Variants in GDA observed in about 807,000 individuals in gnomAD.
GDA encodes cytoplasmic PSD-95 interactor.
GDA carries 18 observed loss-of-function variants against 59.6 expected under a neutral mutation model. That is an observed-to-expected ratio of 0.30 (90% CI 0.21 to 0.45). GDA has a LOEUF of 0.45. GDA is among the 20% of genes least tolerant of loss of function. The pLI is 1.00. For synonymous variants in GDA, 201 were observed against 201.1 expected, an observed-to-expected ratio of 1.00 and a Z score of 0.00; for missense variants, 427 against 552.3, an observed-to-expected ratio of 0.77 and a Z score of 2.27.
At chr9:72,187,909 A>G (rs1350846960) in intron 1 of GDA, among the ~76,000 whole-genome samples, 1 of 152,264 alleles carries the variant, frequency 6.6e-6, no homozygotes, top group African/African-American at 2.4e-5. Flanking sequence ...ATAAAGTAGC[A>G]AAGAACTTGG....
chr9:72,247,208 T>TAAAC (rs1840236814), intron 12 of GDA, among the ~76,000 whole-genome samples, 198 bp from the exon 13 acceptor site: 1 of 152,352 alleles, frequency 6.6e-6, no homozygotes, highest in Non-Finnish European at 1.5e-5. Flanking sequence ...AAACTTCTGT[T>TAAAC]AATTGCCAGT....
chr9:72,163,744 G>T (rs1828946258), intron 1 of GDA, among the ~76,000 whole-genome samples: 1 of 152,104 alleles, frequency 6.6e-6, no homozygotes, highest in Admixed American at 6.5e-5. Flanking sequence ...CACCTGTGTG[G>T]GCCTCCCAAA....
chr9:72,186,484 C>G (rs925769748), intron 1 of GDA, among the ~76,000 whole-genome samples: 3 of 152,156 alleles, frequency 2.0e-5, no homozygotes, highest in African/African-American at 7.2e-5. Context: ...AACCATCACA[C>G]TCCACATTTT....
At chr9:72,205,268 C>T (rs527431203) in intron 3 of GDA, among the ~76,000 whole-genome samples, 9 of 152,046 alleles carry the variant, frequency 5.9e-5, no homozygotes, top group Non-Finnish European at 1.0e-4. Flanking sequence ...TAACTAGCCA[C>T]GTAGCCTACT....
At chr9:72,156,617 G>T (rs1827922623) in intron 1 of GDA, among the ~76,000 whole-genome samples, 1 of 152,170 alleles carries the variant, frequency 6.6e-6, no homozygotes, top group Admixed American at 6.5e-5. Context: ...GGCAAACACT[G>T]TTGGTTACCC....
At chr9:72,222,172 A>C (rs1274903117) in intron 6 of GDA, among the ~76,000 whole-genome samples, 3 of 152,206 alleles carry the variant, frequency 2.0e-5, no homozygotes, top group African/African-American at 7.2e-5. Flanking sequence ...TTACACTCTT[A>C]CCAACAGTCT....
At chr9:72,257,435 A>C (rs190991042), downstream of GDA, 3 of 152,170 alleles carry the variant, frequency 2.0e-5, no homozygotes, top group Non-Finnish European at 2.9e-5. Flanking sequence ...ATAGGATATA[A>C]ACTTTGAAAT....
chr9:72,121,742 C>T (rs1443030974), intron 1 of GDA, among the ~76,000 whole-genome samples: 1 of 152,222 alleles, frequency 6.6e-6, no homozygotes, highest in Non-Finnish European at 1.5e-5. Flanking sequence ...CTTGCTATCT[C>T]CACTGTACTT....
intron 1 of GDA, among the ~76,000 whole-genome samples, chr9:72,121,518 AC>A (rs1489386120): frequency 6.6e-6 from 1 of 152,070 alleles, no homozygotes; most frequent in Non-Finnish European, 1.5e-5. Context: ...AATCACTTGA[AC>A]CCAGGAGGCG....
rs73647197 is a variant in GDA at position 72,135,557 on chromosome 9, A to G, written c.-100+20724A>G. Among the ~76,000 whole-genome samples the G allele has an allele frequency of 6.9e-3, 1,057 of 152,236 alleles. 11 individuals are homozygous for G. The highest frequency in any genetic ancestry group is 0.024 in the African/African-American group (985 of 41,556). ...CTATCTTCACCTAACGGCATCTATT[A>G]CGAGGAAGGTGTGCTGCTTACTGGA... On this transcript the variant is annotated intron_variant, in intron 1 of 13. Transcript: ENST00000545168.
At chr9:72,160,310 A>T (rs1486078751) in intron 1 of GDA, among the ~76,000 whole-genome samples, 1 of 152,022 alleles carries the variant, frequency 6.6e-6, no homozygotes, top group South Asian at 2.1e-4. Flanking sequence ...CTCTGTCTCA[A>T]ACAAAATAAA....
chr9:72,222,661 T>C lies in GDA; in HGVS notation c.607-459T>C, dbSNP rs570747503. ...CCCATGCCTATGTCCTGAATGGTAT[T>C]GCCTAGGTTGTCTTCCAAGGTTGTT... On this transcript the variant is annotated intron_variant, in intron 6 of 13. Coordinates refer to ENST00000358399, the MANE Select transcript of GDA (RefSeq NM_004293.5). 2.6e-4 allele frequency among the ~76,000 whole-genome samples: 39 copies of C among 152,298 alleles called. No individual in the cohort carries two copies. The East Asian group carries it at 7.1e-3, about 28-fold the overall frequency.
chr9:72,213,810 A>G (rs950687438), intron 4 of GDA, 76 bp from the exon 5 acceptor site: 4 of 820,638 alleles, frequency 4.9e-6, no homozygotes, highest in African/African-American at 2.0e-5. Context: ...CTCAAAAAAA[A>G]AAAAAAAAAG....
chr9:72,160,732 A>T (rs1329020004), intron 1 of GDA, among the ~76,000 whole-genome samples: 2 of 152,226 alleles, frequency 1.3e-5, no homozygotes, highest in Admixed American at 1.3e-4. Context: ...GTTAAAAAAA[A>T]TCTTTGTATG....
At chr9:72,253,600 G>C (rs1321604716), downstream of GDA, 3 of 152,276 alleles carry the variant, frequency 2.0e-5, no homozygotes, top group East Asian at 5.8e-4. Flanking sequence ...ACTCATGCGA[G>C]AGGTAGAAAC....
At chr9:72,130,024 G>C (rs1347390362) in intron 1 of GDA, among the ~76,000 whole-genome samples, 2 of 152,178 alleles carry the variant, frequency 1.3e-5, no homozygotes, top group Non-Finnish European at 2.9e-5. Context: ...ATGGGCATTG[G>C]AAATATTTCC....
intron 1 of GDA, among the ~76,000 whole-genome samples, chr9:72,161,834 T>C (rs1194197607): frequency 2.0e-5 from 3 of 152,244 alleles, no homozygotes; most frequent in Non-Finnish European, 2.9e-5. Flanking sequence ...TAGCATTCAA[T>C]GCATGCTTTT....
rs79416213 is a variant in GDA at position 72,199,211 on chromosome 9, G to A, written c.213-3360G>A. 3.3e-3 allele frequency among the ~76,000 whole-genome samples: 497 copies of A among 152,202 alleles called. 2 individuals carry two copies. The highest frequency in any genetic ancestry group is 0.011 in the African/African-American group (471 of 41,506). On this transcript the variant is annotated intron_variant, in intron 2 of 13. Transcript: ENST00000358399. ...TGTTCTCTCTATAAAATGAGCAGGT[G>A]GGCTCACTGACCTCTAATCTCATGT...
chr9:72,230,308 C>T (rs925762272), intron 9 of GDA, among the ~76,000 whole-genome samples: 1 of 152,028 alleles, frequency 6.6e-6, no homozygotes, highest in African/African-American at 2.4e-5. Flanking sequence ...GCCTGACCAA[C>T]ATGGCGAAAC....
Sources: allele counts gnomAD v4.1 joint callset (sites outside exome capture counted in the v4.1 genomes callset), GRCh38; gene constraint gnomAD v4.1.1; transcripts MANE v1.5; gene names NCBI Gene and HGNC (gene_info 2026-07-23, HGNC 2026-07-21).